MPPED1: variants seen among roughly 807,000 people sequenced by gnomAD.
MPPED1 encodes metallophosphoesterase domain containing 1.
Under a neutral mutation model 36.2 loss-of-function variants are expected in MPPED1, and 16 were observed. The observed-to-expected ratio is 0.44, with a 90% CI of 0.30 to 0.67. MPPED1 has a LOEUF of 0.67. Among genes scored for constraint, MPPED1 ranks in the 30% least tolerant of loss-of-function variants. The pLI is 0.10. For missense variants in MPPED1, 307 were observed against 453.4 expected (o/e 0.68, Z 2.93); for synonymous variants, 199 against 191.3 (o/e 1.04, Z -0.33).
rs1929908970 is a variant in MPPED1 at position 43,435,117 on chromosome 22, A to T, written c.308A>T (p.Asp103Val). 6.2e-7 allele frequency: 1 copy of T among 1,613,788 alleles called. No individual in the cohort carries two copies. The highest frequency in any genetic ancestry group is 2.2e-5 in the East Asian group (1 of 44,872). Residue 103 changes from aspartate (D) to valine (V), a missense_variant, in exon 3 of 7, where the codon GAC becomes GTC. Asp to Val is a radical substitution (Grantham distance 152). Coordinates refer to ENST00000443721, the MANE Select transcript of MPPED1 (RefSeq NM_001044370.2). ...VCVSDTHSRT[D>V]PIQMPYGDVL... is the part of the protein sequence containing the mutation. Reference sequence around the variant, plus strand: ...GTCTCTGATACCCACTCGAGGACGGACCCCATCCAGATGCCGTACGGCGAC... The same window carrying T: ...GTCTCTGATACCCACTCGAGGACGGTCCCCATCCAGATGCCGTACGGCGAC...
chr22:43,414,006 C>T (rs1042575433), intron 1 of MPPED1, among the ~76,000 whole-genome samples: 5 of 152,174 alleles, frequency 3.3e-5, no homozygotes, highest in Admixed American at 6.5e-5. Context: ...GTAACCACCC[C>T]GTGGTACGCT....
intron 1 of MPPED1, among the ~76,000 whole-genome samples, chr22:43,419,825 G>A (rs1026941074): frequency 6.6e-6 from 1 of 152,110 alleles, no homozygotes; most frequent in Admixed American, 6.5e-5. Flanking sequence ...TACAGTTGGC[G>A]TCAAATGGGA....
intron 3 of MPPED1, among the ~76,000 whole-genome samples, chr22:43,473,141 GTTTTTGGT>G (rs1931432966): frequency 6.6e-6 from 1 of 152,242 alleles, no homozygotes; most frequent in South Asian, 2.1e-4. Flanking sequence ...AAGAGGTAGA[GTTTTTGGT>G]CATGGTGGAA....
chr22:43,434,852 G>T (rs927471328), intron 2 of MPPED1, among the ~76,000 whole-genome samples, 182 bp from the exon 3 acceptor site: 4 of 152,238 alleles, frequency 2.6e-5, no homozygotes, highest in Non-Finnish European at 5.9e-5. Flanking sequence ...GGCTAAAGAT[G>T]AGAGAAGTCA....
In MPPED1 at chr22:43,506,623, GA is replaced by G. The variant is rs1483525135; in HGVS notation, c.*1009del. On this transcript the variant is annotated 3_prime_UTR_variant, in exon 7 of 7. Coordinates refer to ENST00000443721, the MANE Select transcript of MPPED1 (RefSeq NM_001044370.2). ...TCTGTCTGGCATGCCTGCAGCCGAGGAAGCCCAGGACCAGCCGGCCCTGTGA... is the reference window on the plus strand; with the variant it reads ...TCTGTCTGGCATGCCTGCAGCCGAGGAGCCCAGGACCAGCCGGCCCTGTGA... 1.3e-5 allele frequency: 2 copies of G among 152,220 alleles called. No individual in the cohort carries two copies. The highest frequency in any genetic ancestry group is 2.4e-5 in the African/African-American group (1 of 41,438). 9.4% of individuals were successfully genotyped at this position (152,220 alleles called of 1,614,324 possible).
intron 1 of MPPED1, among the ~76,000 whole-genome samples, chr22:43,412,967 G>A (rs1928957717): frequency 6.6e-6 from 1 of 152,190 alleles, no homozygotes; most frequent in Admixed American, 6.5e-5. Context: ...CCTGGCCTTC[G>A]GAACTCACCC....
chr22:43,425,494 C>T (rs901000701), intron 2 of MPPED1, among the ~76,000 whole-genome samples: 3 of 152,208 alleles, frequency 2.0e-5, no homozygotes, highest in Admixed American at 2.0e-4. Context: ...CAGAAAACTC[C>T]AGACTTCTGG....
intron 4 of MPPED1, among the ~76,000 whole-genome samples, chr22:43,495,899 A>G (rs865902116): frequency 0.012 from 298 of 25,602 alleles, no homozygotes; most frequent in African/African-American, 0.017. Context: ...GGTGGTGGAG[A>G]TGGTGGTGGT....
chr22:43,419,746 G>A (rs1311094231), intron 1 of MPPED1, among the ~76,000 whole-genome samples: 1 of 151,748 alleles, frequency 6.6e-6, no homozygotes, highest in Non-Finnish European at 1.5e-5. Flanking sequence ...GGGGGTGGGG[G>A]GTGGTCAGAG....
intron 3 of MPPED1, among the ~76,000 whole-genome samples, chr22:43,450,522 C>T (rs942352116): frequency 1.3e-5 from 2 of 152,194 alleles, no homozygotes; most frequent in Non-Finnish European, 2.9e-5. Flanking sequence ...TCTGTCTGCT[C>T]TCTGAGCCTC....
At chr22:43,469,992 C>G (rs903396413) in intron 3 of MPPED1, among the ~76,000 whole-genome samples, 1 of 152,046 alleles carries the variant, frequency 6.6e-6, no homozygotes, top group East Asian at 1.9e-4. Context: ...TACCCACCCA[C>G]CAACCCATCT....
At position 43,473,258 on chromosome 22, in the gene MPPED1, G is replaced by T. The variant is rs112456599; in HGVS notation, c.407-1478G>T. Among the ~76,000 whole-genome samples the T allele has an allele frequency of 8.9e-3, 1,353 of 152,340 alleles. 19 individuals carry two copies. The highest frequency in any genetic ancestry group is 0.031 in the African/African-American group (1,293 of 41,578). The stretch of plus-strand genomic sequence containing the variant: ...CCCGGGAGGGTGAGGAGTGAAGGGG[G>T]TGTCAGGGGCTCATTGGAGCCTGAT... On this transcript the variant is annotated intron_variant, in intron 3 of 6. Coordinates refer to ENST00000443721, the MANE Select transcript of MPPED1 (RefSeq NM_001044370.2).
intron 1 of MPPED1, 93 bp downstream of exon 1, chr22:43,412,251 C>T (rs1928928279): frequency 1.2e-6 from 1 of 806,470 alleles, no homozygotes; most frequent in South Asian, 5.5e-5. Context: ...GGGCGACGCC[C>T]GCGGCGCTGC....
chr22:43,447,881 A>ATCT (rs1463126887), intron 3 of MPPED1, among the ~76,000 whole-genome samples: 1 of 34,588 alleles, frequency 2.9e-5, no homozygotes, highest in Non-Finnish European at 4.9e-5. Context: ...ATATATATAT[A>ATCT]TATTTTTTTT....
At chr22:43,456,530 T>C (rs1176988709) in intron 3 of MPPED1, among the ~76,000 whole-genome samples, 1 of 152,254 alleles carries the variant, frequency 6.6e-6, no homozygotes, top group East Asian at 1.9e-4. Flanking sequence ...TGTCTTGCTC[T>C]GTCACCCAGA....
intron 6 of MPPED1, among the ~76,000 whole-genome samples, chr22:43,504,828 T>C (rs1326155627): frequency 6.8e-6 from 1 of 147,236 alleles, no homozygotes; most frequent in Non-Finnish European, 1.5e-5. Flanking sequence ...TGGTGATGAT[T>C]GTAGTGATGA....
At chr22:43,483,320 C>T (rs1931808114) in intron 4 of MPPED1, among the ~76,000 whole-genome samples, 2 of 152,356 alleles carry the variant, frequency 1.3e-5, no homozygotes, top group Admixed American at 6.5e-5. Context: ...CCCGAGGCAG[C>T]CCCCACTCCC....
chr22:43,496,104 AGAT>A (rs1330475971), intron 4 of MPPED1, among the ~76,000 whole-genome samples: 1 of 25,378 alleles, frequency 3.9e-5, no homozygotes. Flanking sequence ...GTGGTGGTGG[AGAT>A]GGTGGTGGTG....
At chr22:43,497,211 C>T (rs954475857) in intron 4 of MPPED1, among the ~76,000 whole-genome samples, 7 of 150,470 alleles carry the variant, frequency 4.7e-5, no homozygotes, top group Admixed American at 3.3e-4. Context: ...GTGGAGGTGG[C>T]GGTGTTGGAG....
Sources: gnomAD v4.1 joint callset for allele counts (sites outside exome capture counted in the v4.1 genomes callset) on GRCh38, gnomAD v4.1.1 for gene constraint, MANE v1.5 for transcripts, NCBI Gene and HGNC (gene_info 2026-07-23, HGNC 2026-07-21) for gene names.